The following NKAIN3 variants were observed in gnomAD, a reference collection of about 807,000 sequenced individuals.
NKAIN3 encodes sodium/potassium-transporting ATPase subunit beta-1-interacting protein 3.
Under a neutral mutation model 30.2 loss-of-function variants are expected in NKAIN3, and 25 were observed. The ratio of observed to expected loss-of-function variants is 0.83; its 90% CI spans 0.60 to 1.16. The LOEUF is 1.16. Ranked by LOEUF, NKAIN3 falls within the 50% of genes most tolerant of loss-of-function variation. The pLI, the probability that NKAIN3 is intolerant of heterozygous loss-of-function variation, is 0.00. For missense variants in NKAIN3, 225 were observed against 254.1 expected (o/e 0.89, Z 0.78); for synonymous variants, 91 against 89.6 (o/e 1.02, Z -0.09).
At position 62,536,202 on chromosome 8, in the gene NKAIN3, A is replaced by G. The variant is rs545630752; in HGVS notation, c.55-43337A>G. On this transcript the variant is annotated intron_variant, in intron 1 of 6. Coordinates refer to ENST00000623646, the MANE Select transcript of NKAIN3 (RefSeq NM_001304533.3). ...TGGAACATGAATAAAGAATGCTTAT[A>G]GCATTTTTAAGATTAAAATTCATTT... Among the ~76,000 whole-genome samples, 7 of 152,322 alleles carry G rather than the reference A, an allele frequency of 4.6e-5. No individual in the cohort carries two copies. In the East Asian group the frequency reaches 1.4e-3, roughly 29 times the overall value.
At chr8:62,347,372 G>A (rs556039164) in intron 1 of NKAIN3, among the ~76,000 whole-genome samples, 1 of 152,188 alleles carries the variant, frequency 6.6e-6, no homozygotes, top group African/African-American at 2.4e-5. Flanking sequence ...CCAGATATGA[G>A]TCTTGCCTTT....
At chr8:62,353,402 T>A (rs1196322984) in intron 1 of NKAIN3, among the ~76,000 whole-genome samples, 1 of 152,238 alleles carries the variant, frequency 6.6e-6, no homozygotes, top group Non-Finnish European at 1.5e-5. Flanking sequence ...ATCCCCAGGC[T>A]GCCAACACTG....
chr8:62,718,261 A>G (rs1429466420), intron 3 of NKAIN3, among the ~76,000 whole-genome samples: 2 of 152,212 alleles, frequency 1.3e-5, no homozygotes, highest in Admixed American at 6.5e-5. Flanking sequence ...CATATGGCAT[A>G]CTACTTGTAA....
exon 6 of NKAIN3, chr8:62,999,378 A>T (rs2130939598): frequency 6.6e-6 from 1 of 152,334 alleles, no homozygotes; most frequent in South Asian, 2.1e-4. Flanking sequence ...TTAAGCAATC[A>T]GCTCTCAGGT....
chr8:62,829,770 C>A (rs868141081), intron 4 of NKAIN3, among the ~76,000 whole-genome samples: 1 of 101,220 alleles, frequency 9.9e-6, no homozygotes, highest in African/African-American at 3.7e-5. Flanking sequence ...ATAGATAGAT[C>A]TATTTAAAAG....
At chr8:62,964,964 G>A (rs150436346) in intron 6 of NKAIN3, among the ~76,000 whole-genome samples, 82 of 152,256 alleles carry the variant, frequency 5.4e-4, no homozygotes, top group African/African-American at 1.9e-3. Flanking sequence ...ATGAAAGCAA[G>A]AGCAGGATGA....
chr8:62,571,353 G>A (rs1189511278), intron 1 of NKAIN3, among the ~76,000 whole-genome samples: 1 of 151,748 alleles, frequency 6.6e-6, no homozygotes, highest in Non-Finnish European at 1.5e-5. Context: ...CCAGTCATGA[G>A]GTTGGTTGCC....
intron 1 of NKAIN3, chr8:62,344,762 A>G (rs899375352): frequency 2.8e-6 from 1 of 356,412 alleles, no homozygotes; most frequent in Non-Finnish European, 5.5e-6. Context: ...CACACTAGTA[A>G]GCCACTGATA....
At chr8:62,397,076 C>A (rs1410367886) in intron 1 of NKAIN3, among the ~76,000 whole-genome samples, 1 of 152,048 alleles carries the variant, frequency 6.6e-6, no homozygotes, top group Non-Finnish European at 1.5e-5. Flanking sequence ...AAAACTCTCC[C>A]AGCACAAAAG....
At chr8:62,951,663 A>G (rs1369843718) in intron 5 of NKAIN3, among the ~76,000 whole-genome samples, 1 of 151,928 alleles carries the variant, frequency 6.6e-6, no homozygotes, top group Non-Finnish European at 1.5e-5. Flanking sequence ...GTGTTTCCCC[A>G]TTGTTGCCCA....
At chr8:62,895,537 AT>A (rs1349831032) in intron 4 of NKAIN3, among the ~76,000 whole-genome samples, 3 of 152,206 alleles carry the variant, frequency 2.0e-5, no homozygotes, top group African/African-American at 7.2e-5. Flanking sequence ...CAGTATGCAC[AT>A]TTAGCCCTTC....
Position 62,297,480 on chromosome 8 carries a change from AAAAC to A in NKAIN3, c.54+48360_54+48363del, listed in dbSNP as rs1339235887. 5.9e-5 allele frequency among the ~76,000 whole-genome samples: 9 copies of A among 152,214 alleles called. No individual in the cohort carries two copies. The South Asian group carries it at 6.2e-4, about 11-fold the overall frequency. On this transcript the variant is annotated intron_variant, in intron 1 of 6. Transcript: ENST00000623646. ...TGAACTCAAACAAATTTACAAGAAA[AAAAC>A]AAACAACCCCATCAAAAAGTGGGCG...
At chr8:62,369,313 G>C (rs1225219406) in intron 1 of NKAIN3, among the ~76,000 whole-genome samples, 1 of 152,010 alleles carries the variant, frequency 6.6e-6, no homozygotes, top group Non-Finnish European at 1.5e-5. Context: ...GTCTATGAGG[G>C]TGTCTTTTTT....
At chr8:62,778,517 G>A (rs1423239643) in intron 4 of NKAIN3, among the ~76,000 whole-genome samples, 3 of 152,012 alleles carry the variant, frequency 2.0e-5, no homozygotes, top group African/African-American at 7.2e-5. Flanking sequence ...AATATTGTCT[G>A]GCTACTGCCA....
intron 1 of NKAIN3, among the ~76,000 whole-genome samples, chr8:62,468,417 T>G (rs13276577): frequency 0.53 from 80,525 of 151,704 alleles, 22,089 homozygotes; most frequent in Non-Finnish European, 0.6. Flanking sequence ...GGAAGAGGAG[T>G]TTGCACTGTG....
chr8:62,283,324 G>C (rs373812056), intron 1 of NKAIN3, among the ~76,000 whole-genome samples: 1 of 151,734 alleles, frequency 6.6e-6, no homozygotes, highest in African/African-American at 2.4e-5. Context: ...CAATCCTGAT[G>C]ACAAACCCAT....
At chr8:62,555,540 A>T (rs1809360935) in intron 1 of NKAIN3, among the ~76,000 whole-genome samples, 3 of 152,094 alleles carry the variant, frequency 2.0e-5, no homozygotes, top group African/African-American at 7.2e-5. Flanking sequence ...AGTACAGAAA[A>T]ATAAGATTTA....
At chr8:62,849,444 A>C (rs1368469258) in intron 4 of NKAIN3, among the ~76,000 whole-genome samples, 1 of 150,964 alleles carries the variant, frequency 6.6e-6, no homozygotes, top group East Asian at 2.0e-4. Context: ...CTCTTTTTTT[A>C]TGGAAATTTT....
chr8:62,607,041 T>G (rs1241873040), intron 3 of NKAIN3, among the ~76,000 whole-genome samples: 1 of 152,158 alleles, frequency 6.6e-6, no homozygotes, highest in African/African-American at 2.4e-5. Context: ...CATTGGGCAT[T>G]GGGTGATCAC....
Sources: allele counts gnomAD v4.1 joint callset (sites outside exome capture counted in the v4.1 genomes callset), GRCh38; gene constraint gnomAD v4.1.1; transcripts MANE v1.5; gene names NCBI Gene and HGNC (gene_info 2026-07-23, HGNC 2026-07-21).